CCDC73: variants seen among roughly 807,000 people sequenced by gnomAD.
CCDC73 encodes coiled-coil domain-containing protein 73.
A neutral mutation model predicts 116.5 loss-of-function variants in CCDC73; 95 were observed. The ratio of observed to expected loss-of-function variants is 0.82; its 90% confidence interval spans 0.69 to 0.97. The LOEUF is 0.97. CCDC73 is among the 50% of genes least tolerant of loss of function. The pLI is 0.00. For missense variants in CCDC73, 1,066 were observed against 1,206.8 expected, an observed-to-expected ratio of 0.88 and a Z score of 1.73; for synonymous variants, 398 against 401.3, an observed-to-expected ratio of 0.99 and a Z score of 0.10.
At chr11:32,657,834 CTAAA>C (rs1263692172) in intron 9 of CCDC73, among the ~76,000 whole-genome samples, 1 of 151,970 alleles carries the variant, frequency 6.6e-6, no homozygotes, top group African/African-American at 2.4e-5. Context: ...GACCCTGTCT[CTAAA>C]TAAATAAAAA....
chr11:32,706,778 G>T (rs576676898), intron 3 of CCDC73, among the ~76,000 whole-genome samples: 1 of 152,142 alleles, frequency 6.6e-6, no homozygotes, highest in South Asian at 2.1e-4. Flanking sequence ...TGCCAACCTC[G>T]GTTCCCCAAA....
chr11:32,628,036 A>G (rs1339081701), intron 14 of CCDC73, among the ~76,000 whole-genome samples: 1 of 152,226 alleles, frequency 6.6e-6, no homozygotes, highest in Non-Finnish European at 1.5e-5. Context: ...ATACTTCCCT[A>G]GAACGTATAT....
the CCDC73 span, among the ~76,000 whole-genome samples, chr11:32,811,046 G>A: frequency 1.4e-5 from 2 of 143,516 alleles, no homozygotes; most frequent in Non-Finnish European, 1.5e-5. Context: ...CAGTGACAGA[G>A]CAAGACTCTG....
At chr11:32,766,259 C>A (rs1476672332) in intron 1 of CCDC73, among the ~76,000 whole-genome samples, 4 of 152,120 alleles carry the variant, frequency 2.6e-5, no homozygotes, top group Non-Finnish European at 5.9e-5. Context: ...ATTCAACAGC[C>A]CTTCATGCTA....
rs983019909 is a variant in CCDC73, at chr11:32,695,198, G to A, written c.390+4053C>T. Among the ~76,000 whole-genome samples, 73 of 151,968 alleles carry A rather than the reference G, an allele frequency of 4.8e-4. 1 individual carries two copies. Among genetic ancestry groups the A allele is most frequent in the African/African-American group, 1.7e-3 (69 of 41,376 alleles). ...AGCCTGGCCAACGTGGCAAAACCCCGTCTCTCCTAAAAATACAAAAATTAG... is the reference window on the plus strand; with the variant it reads ...AGCCTGGCCAACGTGGCAAAACCCCATCTCTCCTAAAAATACAAAAATTAG... On this transcript the variant is annotated intron_variant, in intron 6 of 17. Transcript: ENST00000335185.
chr11:32,758,586 A>G, intron 2 of CCDC73: 1 of 440,078 alleles, frequency 2.3e-6, no homozygotes, highest in Non-Finnish European at 4.6e-6. Context: ...AAAGTGTTGA[A>G]GGCACAAGCA....
At chr11:32,824,506 G>A in the CCDC73 span, among the ~76,000 whole-genome samples, 1 of 152,216 alleles carries the variant, frequency 6.6e-6, no homozygotes. Flanking sequence ...AGAATTCAGA[G>A]AAGTGACTTG....
At chr11:32,642,121 A>G (rs372770100) in intron 12 of CCDC73, 39 bp from the exon 13 acceptor site, 95 of 1,483,124 alleles carry the variant, frequency 6.4e-5, no homozygotes, top group Non-Finnish European at 2.3e-5. Context: ...AATCAATACC[A>G]CATTAATGAA....
intron 2 of CCDC73, among the ~76,000 whole-genome samples, chr11:32,741,687 T>G (rs956410605): frequency 1.3e-5 from 2 of 151,992 alleles, no homozygotes; most frequent in African/African-American, 4.8e-5. Flanking sequence ...TACTTTAAAT[T>G]CTGGATTACA....
At chr11:32,778,062 A>G (rs1289914818) in intron 1 of CCDC73, among the ~76,000 whole-genome samples, 4 of 152,234 alleles carry the variant, frequency 2.6e-5, no homozygotes, top group Non-Finnish European at 5.9e-5. Flanking sequence ...AGAAAACCAT[A>G]TTACGTATCT....
At chr11:32,787,508 A>C (rs1272410399) in intron 1 of CCDC73, among the ~76,000 whole-genome samples, 1 of 152,212 alleles carries the variant, frequency 6.6e-6, no homozygotes, top group Non-Finnish European at 1.5e-5. Flanking sequence ...TTCCCAAAAA[A>C]ATTATTTGGT....
Position 32,794,621 on chromosome 11 carries a change from A to G in CCDC73, c.-24T>C, listed in dbSNP as rs1233737969. ...TGACTGCTCCGACTTACCTCAGCGA[A>G]GCGCGCCTCTAGCTCCTGTTGGCCC... is the stretch of plus-strand genomic sequence containing the variant. On this transcript the variant is annotated 5_prime_UTR_variant, in exon 1 of 18. Transcript: ENST00000335185. 6.6e-6 allele frequency: 1 copy of G among 152,324 alleles called. No homozygotes were observed. The highest frequency in any genetic ancestry group is 1.5e-5 in the Non-Finnish European group (1 of 68,112). 9.4% of individuals were successfully genotyped at this position (152,324 alleles called of 1,614,324 possible). A position where few individuals can be genotyped will look rare whatever the true frequency, so the allele number is the denominator to read the frequency against.
intron 1 of CCDC73, among the ~76,000 whole-genome samples, chr11:32,771,701 G>A (rs193113708): frequency 3.4e-4 from 52 of 152,278 alleles, no homozygotes; most frequent in African/African-American, 1.2e-3. Flanking sequence ...TGGAAGTCTT[G>A]GGACGAAGGT....
At chr11:32,643,466 C>T (rs1855750646) in intron 12 of CCDC73, among the ~76,000 whole-genome samples, 1 of 152,006 alleles carries the variant, frequency 6.6e-6, no homozygotes, top group Non-Finnish European at 1.5e-5. Context: ...CTTACACAAA[C>T]CTAGATGGTA....
intron 3 of CCDC73, among the ~76,000 whole-genome samples, chr11:32,704,774 C>G (rs1849841761): frequency 6.6e-6 from 1 of 152,214 alleles, no homozygotes; most frequent in African/African-American, 2.4e-5. Context: ...GGCCAATAAA[C>G]ACACACTTCC....
intron 2 of CCDC73, among the ~76,000 whole-genome samples, chr11:32,752,685 T>C (rs1039754352): frequency 1.3e-5 from 2 of 152,258 alleles, no homozygotes; most frequent in Non-Finnish European, 2.9e-5. Context: ...TTGTACATTT[T>C]ATGATTACTT....
intron 9 of CCDC73, among the ~76,000 whole-genome samples, chr11:32,663,091 C>T (rs1478645255): frequency 6.6e-6 from 1 of 152,114 alleles, no homozygotes; most frequent in South Asian, 2.1e-4. Context: ...GTTACTGTAG[C>T]CTTGTAGTAT....
intron 2 of CCDC73, among the ~76,000 whole-genome samples, chr11:32,734,425 C>CTTTTTTTTTTTTTTTTTTTTTTT (rs34093038): frequency 7.6e-6 from 1 of 131,370 alleles, no homozygotes. Context: ...ATTTTTTTTT[C>CTTTTTTTTTTTTTTTTTTTTTTT]TTTTTTTTTT....
chr11:32,695,511 G>GTGTTGAATA (rs1162370980), intron 6 of CCDC73, among the ~76,000 whole-genome samples: 2 of 152,156 alleles, frequency 1.3e-5, no homozygotes, highest in Non-Finnish European at 2.9e-5. Flanking sequence ...TGAGTTGAAT[G>GTGTTGAATA]TGTTGAGGCT....
Sources: gnomAD v4.1 joint callset for allele counts (sites outside exome capture counted in the v4.1 genomes callset) on GRCh38, gnomAD v4.1.1 for gene constraint, MANE v1.5 for transcripts, NCBI Gene and HGNC (gene_info 2026-07-23, HGNC 2026-07-21) for gene names.